PARD3B: variants seen among roughly 807,000 people sequenced by gnomAD.
The protein encoded by PARD3B is partitioning defective 3 homolog B.
Under a neutral mutation model 130.2 loss-of-function variants are expected in PARD3B, and 103 were observed. The ratio of observed to expected loss-of-function variants is 0.79; its 90% CI spans 0.67 to 0.93. The LOEUF (loss-of-function observed/expected upper bound fraction) is 0.93, where lower values mean the gene tolerates loss of function less well. Ranked by LOEUF, PARD3B falls within the 40% of genes least tolerant of loss-of-function variation. The pLI is 0.00. For synonymous variants in PARD3B, 583 were observed against 553.2 expected (o/e 1.05, Z -0.76); for missense variants, 1,609 against 1,499.2 (o/e 1.07, Z -1.21).
intron 3 of PARD3B, among the ~76,000 whole-genome samples, chr2:205,043,825 CTTTAAG>C (rs1467045141): frequency 1.3e-5 from 2 of 151,614 alleles, no homozygotes; most frequent in South Asian, 2.1e-4. Flanking sequence ...TATTATTATA[CTTTAAG>C]TTTTAGGGTA....
chr2:204,808,755 C>A (rs1320409700), intron 2 of PARD3B, among the ~76,000 whole-genome samples: 1 of 152,066 alleles, frequency 6.6e-6, no homozygotes, highest in Non-Finnish European at 1.5e-5. Flanking sequence ...AGGTTGATTC[C>A]ATTTCTTTGC....
chr2:205,064,678 T>C (rs1700253168), intron 4 of PARD3B, among the ~76,000 whole-genome samples: 1 of 152,166 alleles, frequency 6.6e-6, no homozygotes, highest in African/African-American at 2.4e-5. Context: ...TAATCAGTAT[T>C]GGCAGTGAGT....
chr2:205,202,570 C>A (rs1448253817), intron 15 of PARD3B, among the ~76,000 whole-genome samples: 1 of 152,220 alleles, frequency 6.6e-6, no homozygotes. Flanking sequence ...TCATACCCCT[C>A]CCATGACTAA....
At chr2:205,399,481 A>G (rs1340626845) in intron 18 of PARD3B, among the ~76,000 whole-genome samples, 1 of 151,062 alleles carries the variant, frequency 6.6e-6, no homozygotes, top group Non-Finnish European at 1.5e-5. Context: ...CAGCCTTCTG[A>G]GTAACTGGGA....
At chr2:205,609,032 C>A (rs914278137) in intron 22 of PARD3B, among the ~76,000 whole-genome samples, 1 of 152,164 alleles carries the variant, frequency 6.6e-6, no homozygotes, top group Non-Finnish European at 1.5e-5. Context: ...GTGATGAAAG[C>A]GGATTTTTTT....
chr2:205,086,272 A>G (rs1701736774), intron 4 of PARD3B, among the ~76,000 whole-genome samples: 2 of 152,236 alleles, frequency 1.3e-5, no homozygotes, highest in African/African-American at 4.8e-5. Flanking sequence ...ACACTTTACA[A>G]AATGGGTATT....
rs1692757554 is a variant in PARD3B at position 205,309,122 on chromosome 2, CA to C, written c.2630+7422del. On this transcript the variant is annotated intron_variant, in intron 18 of 22. Transcript: ENST00000406610. The surrounding 1 kb of genome is among the most constrained non-coding windows in gnomAD (Gnocchi z 4.7). Reference sequence around the variant, plus strand: ...GAAGGTTATTTTTAAACCAACTCCACATAGAGCTATAACAAAAAACTAACCC... The same window carrying C: ...GAAGGTTATTTTTAAACCAACTCCACTAGAGCTATAACAAAAAACTAACCC... Among the ~76,000 whole-genome samples the C allele has an allele frequency of 1.3e-5, 2 of 152,172 alleles. No homozygotes were observed. The highest frequency in any genetic ancestry group is 2.9e-5 in the Non-Finnish European group (2 of 68,016).
rs575806282 is a variant in PARD3B, at chr2:205,192,213, G to C, written c.2025-992G>C. ...GGTCGAGATTCTCTTGTACATTTTA[G>C]AAGGATTTTCTTTCAAAACAGTTAT... is the stretch of plus-strand genomic sequence containing the variant. On this transcript the variant is annotated intron_variant, in intron 14 of 22. Transcript: ENST00000406610. Among the ~76,000 whole-genome samples the C allele has an allele frequency of 7.2e-5, 11 of 152,250 alleles. No homozygotes were observed. The South Asian group carries it at 2.1e-3, about 29-fold the overall frequency.
At chr2:205,242,209 C>G (rs1288856125) in intron 15 of PARD3B, among the ~76,000 whole-genome samples, 2 of 120,666 alleles carry the variant, frequency 1.7e-5, no homozygotes, top group South Asian at 5.3e-4. Flanking sequence ...ATGCCTATCA[C>G]CCATTTGGAT....
At chr2:205,295,403 A>T (rs1039171269) in intron 16 of PARD3B, among the ~76,000 whole-genome samples, 1 of 152,182 alleles carries the variant, frequency 6.6e-6, no homozygotes, top group East Asian at 1.9e-4. Context: ...TTGATCCCTA[A>T]TTTATGATGG....
intron 3 of PARD3B, among the ~76,000 whole-genome samples, chr2:205,008,894 A>G (rs765025198): frequency 1.5e-4 from 23 of 152,250 alleles, no homozygotes; most frequent in Non-Finnish European, 1.9e-4. Flanking sequence ...GATAAGTTAC[A>G]GTCAAAAATC....
chr2:205,228,249 G>C (rs2038663060), intron 15 of PARD3B, among the ~76,000 whole-genome samples: 2 of 152,104 alleles, frequency 1.3e-5, no homozygotes, highest in South Asian at 2.1e-4. Context: ...TTTTCTTTCA[G>C]ATTGAAGAAC....
At position 205,440,754 on chromosome 2, in the gene PARD3B, G is replaced by A. The variant is rs2047687546; in HGVS notation, c.3044+82G>A. The A allele has an allele frequency of 2.2e-6, 3 of 1,393,844 alleles. No individual in the cohort carries two copies. Among genetic ancestry groups the A allele is most frequent in the Non-Finnish European group, 9.8e-7 (1 of 1,018,684 alleles). 86.3% of individuals were successfully genotyped at this position (1,393,844 alleles called of 1,614,324 possible). On this transcript the variant is annotated intron_variant, in intron 20 of 22. Coordinates refer to ENST00000406610, the MANE Select transcript of PARD3B (RefSeq NM_001302769.2). This position sits in a 1 kb window ranked among gnomAD's most constrained non-coding sequence, Gnocchi z 4.2. The stretch of plus-strand genomic sequence containing the variant: ...TCTACTGCTGAAACCGATAAAAAAT[G>A]TCTCCTTCAATCAATTAAAACTGAA...
chr2:205,506,169 C>T (rs1294127459), intron 21 of PARD3B, among the ~76,000 whole-genome samples: 1 of 152,018 alleles, frequency 6.6e-6, no homozygotes, highest in African/African-American at 2.4e-5. Context: ...CCTGTCTTTA[C>T]TAAAAATACA....
At chr2:205,539,536 G>T (rs2052026317) in intron 21 of PARD3B, among the ~76,000 whole-genome samples, 9 of 152,222 alleles carry the variant, frequency 5.9e-5, no homozygotes, top group Admixed American at 5.9e-4. Context: ...GCCAGCCATT[G>T]CTGGTCACTC....
intron 20 of PARD3B, among the ~76,000 whole-genome samples, chr2:205,443,773 G>T (rs540967078): frequency 9.2e-5 from 14 of 152,260 alleles, no homozygotes; most frequent in Admixed American, 9.2e-4. Flanking sequence ...AAAGCAGGCT[G>T]GGGTCAGTTT....
chr2:205,411,306 G>A (rs2046588932), intron 19 of PARD3B, among the ~76,000 whole-genome samples: 1 of 152,106 alleles, frequency 6.6e-6, no homozygotes, highest in African/African-American at 2.4e-5. Flanking sequence ...CTAAGGATAT[G>A]TATTTTGAAA....
intron 1 of PARD3B, among the ~76,000 whole-genome samples, chr2:204,627,717 C>T (rs531417073): frequency 6.6e-6 from 1 of 152,048 alleles, no homozygotes; most frequent in South Asian, 2.1e-4. Context: ...TATGAATATA[C>T]TATGTTTGTG....
Position 204,887,913 on chromosome 2 carries a change from C to T in PARD3B, c.223-77239C>T, listed in dbSNP as rs978092479. ...ATGGATTTGAGAAGCCAGAAAAGTC[C>T]TTAGAGAGGAGGTGAAATTTGAGCT... On this transcript the variant is annotated intron_variant, in intron 2 of 22. Transcript: ENST00000406610. The surrounding 1 kb of genome is among the most constrained non-coding windows in gnomAD (Gnocchi z 4.2). Among the ~76,000 whole-genome samples, 2 of 151,996 alleles carry T rather than the reference C, an allele frequency of 1.3e-5. No individual in the cohort carries two copies. Among genetic ancestry groups the T allele is most frequent in the Non-Finnish European group, 2.9e-5 (2 of 68,014 alleles).
Sources: allele counts gnomAD v4.1 joint callset (sites outside exome capture counted in the v4.1 genomes callset), GRCh38; gene constraint gnomAD v4.1.1; non-coding constraint Gnocchi (gnomAD v3.1); transcripts MANE v1.5; gene names NCBI Gene and HGNC (gene_info 2026-07-23, HGNC 2026-07-21).